Variants in PLA2G6 observed in about 807,000 individuals in gnomAD.
PLA2G6 encodes the protein phospholipase A2 group VI.
Under a neutral mutation model 83.8 loss-of-function variants are expected in PLA2G6, and 62 were observed. That is an observed-to-expected ratio of 0.74 (90% CI 0.60 to 0.91). The LOEUF (loss-of-function observed/expected upper bound fraction) is 0.91, where lower values mean the gene tolerates loss of function less well. PLA2G6 is among the 40% of genes least tolerant of loss of function. The probability of loss-of-function intolerance (pLI) is 0.00; values close to 1 mark genes in which losing one functional copy is unlikely to be tolerated. For missense variants in PLA2G6, 944 were observed against 1,102.0 expected, an observed-to-expected ratio of 0.86 and a Z score of 2.03; for synonymous variants, 417 against 449.8, an observed-to-expected ratio of 0.93 and a Z score of 0.92.
In PLA2G6 at chr22:38,112,141, C is replaced by T. The variant is rs551260190; in HGVS notation, c.*20G>A. The T allele has an allele frequency of 1.3e-5, 21 of 1,567,508 alleles. No individual in the cohort carries two copies. In the East Asian group the frequency reaches 2.1e-4, roughly 16 times the overall value. On this transcript the variant is annotated 3_prime_UTR_variant, in exon 17 of 17. Coordinates refer to ENST00000332509, the MANE Select transcript of PLA2G6 (RefSeq NM_003560.4). ...CTGAATGGACGAGGTCAGCTGGGGC[C>T]GGTGAGAGGCTGGGGACCCTCAGGG... is the stretch of plus-strand genomic sequence containing the variant.
chr22:38,122,261 G>A (rs548833613), intron 11 of PLA2G6, among the ~76,000 whole-genome samples: 1 of 152,250 alleles, frequency 6.6e-6, no homozygotes, highest in South Asian at 2.1e-4. Flanking sequence ...ATCCAGATGT[G>A]GGGGCGCTCT....
At chr22:38,131,609 C>G (rs1225071928) in intron 7 of PLA2G6, 2 of 153,164 alleles carry the variant, frequency 1.3e-5, no homozygotes, top group African/African-American at 4.8e-5. Context: ...TCCACAGTTT[C>G]AAAAATGAAA....
intron 5 of PLA2G6, chr22:38,137,225 T>C (rs2088611151): frequency 6.6e-6 from 1 of 152,342 alleles, no homozygotes; most frequent in Admixed American, 6.5e-5. Context: ...CAGCGCTTGG[T>C]GCTCAGCACT....
intron 12 of PLA2G6, among the ~76,000 whole-genome samples, chr22:38,119,156 G>A (rs1287794960): frequency 2.0e-5 from 3 of 152,130 alleles, no homozygotes; most frequent in Admixed American, 6.5e-5. Context: ...TGTTTTTGAA[G>A]AAGGCCAAGG....
Position 38,133,020 on chromosome 22 carries a change from G to C in PLA2G6, c.895-7C>G. The C allele has an allele frequency of 6.4e-7, 1 of 1,557,586 alleles. No individual in the cohort carries two copies. The highest frequency in any genetic ancestry group is 8.7e-7 in the Non-Finnish European group (1 of 1,152,920). On this transcript the variant is annotated splice_polypyrimidine_tract_variant and splice_region_variant and intron_variant, in intron 6 of 16. Coordinates refer to ENST00000332509, the MANE Select transcript of PLA2G6 (RefSeq NM_003560.4). ...TCAGCAGCATGCGGGCCATCTGCGG[G>C]AGACGGTCAGGCTGAGTTAGCACAG...
Position 38,123,827 on chromosome 22 carries a change from C to T in PLA2G6, c.1428-569G>A, listed in dbSNP as rs1267629229. Among the ~76,000 whole-genome samples the T allele has an allele frequency of 6.6e-6, 1 of 152,140 alleles. No individual in the cohort carries two copies. The highest frequency in any genetic ancestry group is 2.1e-4 in the South Asian group (1 of 4,818). On this transcript the variant is annotated intron_variant, in intron 10 of 16. Coordinates refer to ENST00000332509, the MANE Select transcript of PLA2G6 (RefSeq NM_003560.4). The surrounding 1 kb of genome is among the most constrained non-coding windows in gnomAD (Gnocchi z 4.1). ...CAAACGCCTCTGAGGCAGACCCTCC[C>T]TGACATCCCTGTGCTTATTTATTTA...
intron 2 of PLA2G6, among the ~76,000 whole-genome samples, chr22:38,153,290 G>A (rs933645924): frequency 1.3e-5 from 2 of 152,192 alleles, no homozygotes; most frequent in Non-Finnish European, 2.9e-5. Flanking sequence ...AAATTAGCCA[G>A]GCATGTGGCC....
intron 5 of PLA2G6, chr22:38,136,591 T>G (rs1371047437): frequency 6.6e-6 from 1 of 152,048 alleles, no homozygotes; most frequent in Non-Finnish European, 1.5e-5. Context: ...AAACTCTGTC[T>G]CAAAAACAAA....
chr22:38,112,194 G>C lies in PLA2G6; in HGVS notation c.2388C>G (p.Phe796Leu). The part of the protein sequence containing the change: ...EVYIYEHREE[F>L]QKLIQLLLSP ...AGAGCAGCAGCTGGATGAGCTTCTG[G>C]AACTCCTCGCGGTGCTCATAGATGT... The change falls in exon 17 of 17, where the codon TTC (phenylalanine) becomes TTG (leucine). Residue 796 changes from phenylalanine (F) to leucine (L), a missense_variant. Coordinates refer to ENST00000332509, the MANE Select transcript of PLA2G6 (RefSeq NM_003560.4). 3 of 1,601,400 alleles carry C rather than the reference G, an allele frequency of 1.9e-6. No homozygotes were observed. Among genetic ancestry groups the C allele is most frequent in the Non-Finnish European group, 2.6e-6 (3 of 1,174,438 alleles).
intron 10 of PLA2G6, chr22:38,126,160 G>C (rs375274542): frequency 3.7e-4 from 238 of 641,208 alleles, no homozygotes; most frequent in African/African-American, 3.6e-3. Context: ...CCCTGGGCTG[G>C]TCTCCAGAGC....
intron 3 of PLA2G6, 162 bp from the exon 4 acceptor site, chr22:38,143,450 T>A (rs2089046020): frequency 1.1e-5 from 8 of 728,386 alleles, no homozygotes; most frequent in Non-Finnish European, 1.5e-5. Context: ...CTGATTTGAA[T>A]GTAATTATAT....
At position 38,123,684 on chromosome 22, in the gene PLA2G6, T is replaced by G. The variant is rs2087662274; in HGVS notation, c.1428-426A>C. Among the ~76,000 whole-genome samples, 1 of 149,844 alleles carries G rather than the reference T, an allele frequency of 6.7e-6. No individual in the cohort carries two copies. The highest frequency in any genetic ancestry group is 1.5e-5 in the Non-Finnish European group (1 of 67,434). On this transcript the variant is annotated intron_variant, in intron 10 of 16. Transcript: ENST00000332509. The surrounding 1 kb of genome is among the most constrained non-coding windows in gnomAD (Gnocchi z 4.1). Reference sequence around the variant, plus strand: ...AGGCCAGGAATGGGCAGTGACAGAGTATCAGGGCCTCCACACAAGGTGGAA... The same window carrying G: ...AGGCCAGGAATGGGCAGTGACAGAGGATCAGGGCCTCCACACAAGGTGGAA...
chr22:38,129,855 A>G (rs1282302614), intron 7 of PLA2G6, among the ~76,000 whole-genome samples: 1 of 152,202 alleles, frequency 6.6e-6, no homozygotes, highest in African/African-American at 2.4e-5. Context: ...GCCTCCAAAG[A>G]TGCAGTGCAT....
chr22:38,162,602 A>G (rs2145902622), intron 2 of PLA2G6, among the ~76,000 whole-genome samples: 1 of 152,308 alleles, frequency 6.6e-6, no homozygotes, highest in East Asian at 1.9e-4. Context: ...GATAAAGGCC[A>G]GCGCGTGGTC....
At chr22:38,148,793 C>A in intron 2 of PLA2G6, 2 of 410,546 alleles carry the variant, frequency 4.9e-6, no homozygotes, top group South Asian at 5.9e-5. Context: ...ATCCTAGTTG[C>A]AATGGGAGAA....
intron 4 of PLA2G6, 165 bp from the exon 5 acceptor site, chr22:38,140,334 G>A (rs981052886): frequency 1.5e-6 from 1 of 654,342 alleles, no homozygotes; most frequent in Non-Finnish European, 2.8e-6. Context: ...ATGGTGAAAT[G>A]TCGTCTCTTC....
At chr22:38,145,942 T>G in intron 2 of PLA2G6, 1 of 418,466 alleles carries the variant, frequency 2.4e-6, no homozygotes, top group Non-Finnish European at 4.5e-6. Context: ...GGTGTGATCA[T>G]GACTCACTGC....
At chr22:38,125,370 CA>C (rs1204670107) in intron 10 of PLA2G6, among the ~76,000 whole-genome samples, 1 of 152,070 alleles carries the variant, frequency 6.6e-6, no homozygotes, top group Non-Finnish European at 1.5e-5. Flanking sequence ...GCAGGGGGCA[CA>C]GGGGAGGGAA....
intron 4 of PLA2G6, chr22:38,142,873 G>C: frequency 1.6e-6 from 1 of 606,432 alleles, no homozygotes; most frequent in South Asian, 1.8e-5. Context: ...TGCTGGGTTG[G>C]AGGCCGTCCC....
Sources: gnomAD v4.1 joint callset for allele counts (sites outside exome capture counted in the v4.1 genomes callset) on GRCh38, gnomAD v4.1.1 for gene constraint, Gnocchi (gnomAD v3.1) non-coding constraint, MANE v1.5 for transcripts, NCBI Gene and HGNC (gene_info 2026-07-23, HGNC 2026-07-21) for gene names.